Variants in RABGEF1 observed in about 807,000 individuals in gnomAD.
RABGEF1 encodes the protein rab5 GDP/GTP exchange factor.
Under a neutral mutation model 57.3 loss-of-function variants are expected in RABGEF1, and 26 were observed. The ratio of observed to expected loss-of-function variants is 0.45; its 90% CI spans 0.33 to 0.63. The LOEUF is 0.63. Ranked by LOEUF, RABGEF1 falls within the 20% of genes least tolerant of loss-of-function variation. RABGEF1 has a pLI of 0.02. For missense variants in RABGEF1, 464 were observed against 607.6 expected (o/e 0.76, Z 2.48); for synonymous variants, 185 against 210.7 (o/e 0.88, Z 1.06).
At chr7:66,692,321 C>T (rs1791644317) in intron 1 of RABGEF1, among the ~76,000 whole-genome samples, 2 of 152,168 alleles carry the variant, frequency 1.3e-5, no homozygotes, top group South Asian at 4.1e-4. Context: ...CTTTCCCTGC[C>T]TCCCTCTCTT....
intron 1 of RABGEF1, among the ~76,000 whole-genome samples, chr7:66,703,305 CCTAT>C (rs1312747878): frequency 1.3e-5 from 2 of 152,114 alleles, no homozygotes; most frequent in African/African-American, 2.4e-5. Flanking sequence ...TGAAGTTCAA[CCTAT>C]CTATTTTTTC....
At chr7:66,744,036 CTTTTCTT>C (rs1799612006) in intron 1 of RABGEF1, among the ~76,000 whole-genome samples, 1 of 148,088 alleles carries the variant, frequency 6.8e-6, no homozygotes, top group Non-Finnish European at 1.5e-5. Context: ...CTTTTCTTTT[CTTTTCTT>C]TTTTTTTTTT....
At chr7:66,761,284 C>T (rs1804277068) in intron 1 of RABGEF1, among the ~76,000 whole-genome samples, 1 of 152,198 alleles carries the variant, frequency 6.6e-6, no homozygotes, top group South Asian at 2.1e-4. Flanking sequence ...GAGTGCCCCT[C>T]CTAACCCCCA....
At chr7:66,659,715 G>T in the RABGEF1 span, among the ~76,000 whole-genome samples, 1 of 151,578 alleles carries the variant, frequency 6.6e-6, no homozygotes, top group South Asian at 2.1e-4. Context: ...GGAAGTTGAG[G>T]CTGCAGTGAG....
intron 1 of RABGEF1, 136 bp from the exon 2 acceptor site, chr7:66,771,747 C>T: frequency 6.0e-6 from 3 of 498,926 alleles, no homozygotes; most frequent in South Asian, 1.9e-4. Flanking sequence ...CTCTTTCTCC[C>T]TCCCTCCTTC....
chr7:66,780,341 T>A (rs566968604), intron 3 of RABGEF1, among the ~76,000 whole-genome samples: 2 of 152,362 alleles, frequency 1.3e-5, no homozygotes, highest in Admixed American at 1.3e-4. Flanking sequence ...TGCAACATTA[T>A]TCAAGTTACT....
In RABGEF1 at chr7:66,809,249, C is replaced by T; in HGVS notation, c.1441C>T (p.Pro481Ser). 1 of 1,611,476 alleles carries T rather than the reference C, an allele frequency of 6.2e-7. No homozygotes were observed. Among genetic ancestry groups the T allele is most frequent in the Non-Finnish European group, 8.5e-7 (1 of 1,178,104 alleles). Reference protein sequence around the residue: ...DSENVENDKLPPPLQPQVYAG With the variant: ...DSENVENDKLSPPLQPQVYAG ...TGAAAACGTTGAAAATGATAAACTT[C>T]CTCCACCACTGCAACCTCAAGTTTA... is the stretch of plus-strand genomic sequence containing the variant. The change falls in exon 9 of 9, where the codon CCT becomes TCT. Residue 481 changes from proline (P) to serine (S), a missense_variant. Pro to Ser is a moderately conservative substitution (Grantham distance 74). Around this residue, in one of 4 missense-constraint regions of RABGEF1, gnomAD observed 151 missense variants for 152.2 expected, o/e 0.99. Transcript: ENST00000284957.
At chr7:66,728,310 G>A (rs935813797) in intron 2 of RABGEF1, among the ~76,000 whole-genome samples, 1 of 152,122 alleles carries the variant, frequency 6.6e-6, no homozygotes, top group African/African-American at 2.4e-5. Context: ...CTATTGTCTT[G>A]TGGAGAGCCA....
intron 1 of RABGEF1, among the ~76,000 whole-genome samples, chr7:66,693,471 A>C (rs1791843079): frequency 6.6e-6 from 1 of 151,994 alleles, no homozygotes; most frequent in African/African-American, 2.4e-5. Context: ...CTGGGCTCCA[A>C]GACCCTGCTG....
At chr7:66,790,855 A>G (rs943362737) in intron 4 of RABGEF1, among the ~76,000 whole-genome samples, 1 of 152,240 alleles carries the variant, frequency 6.6e-6, no homozygotes, top group African/African-American at 2.4e-5. Flanking sequence ...AGGACACTAC[A>G]GGTCTTCTAG....
intron 8 of RABGEF1, among the ~76,000 whole-genome samples, chr7:66,808,217 C>G: frequency 6.6e-6 from 1 of 150,432 alleles, no homozygotes; most frequent in East Asian, 2.0e-4. Flanking sequence ...CAGAGTTGTT[C>G]CTTTTTTTTT....
chr7:66,662,939 T>C, the RABGEF1 span, among the ~76,000 whole-genome samples: 1 of 152,060 alleles, frequency 6.6e-6, no homozygotes, highest in Non-Finnish European at 1.5e-5. Flanking sequence ...CATGTGCAGG[T>C]GTGCGTGTGC....
At chr7:66,670,868 TTTTA>T in the RABGEF1 span, among the ~76,000 whole-genome samples, 9 of 150,272 alleles carry the variant, frequency 6.0e-5, no homozygotes, top group Non-Finnish European at 7.4e-5. Flanking sequence ...AAAATTTTAT[TTTTA>T]TTTATTTAAT....
the RABGEF1 span, among the ~76,000 whole-genome samples, chr7:66,663,736 T>C: frequency 6.6e-6 from 1 of 151,700 alleles, no homozygotes; most frequent in Non-Finnish European, 1.5e-5. Context: ...AAACTTAAAG[T>C]ATAATAATAA....
the RABGEF1 span, among the ~76,000 whole-genome samples, chr7:66,659,472 GAAA>G: frequency 2.1e-5 from 3 of 139,554 alleles, no homozygotes; most frequent in Admixed American, 7.2e-5. Flanking sequence ...AAAGAAAAAA[GAAA>G]AAAAAGAAAA....
intron 1 of RABGEF1, among the ~76,000 whole-genome samples, chr7:66,752,748 A>G (rs538665529): frequency 2.6e-5 from 4 of 152,210 alleles, no homozygotes; most frequent in South Asian, 4.1e-4. Flanking sequence ...GGGACCCAGT[A>G]CTCTGTGTTT....
chr7:66,737,631 C>CT (rs994045743), upstream of RABGEF1, among the ~76,000 whole-genome samples: 1 of 152,126 alleles, frequency 6.6e-6, no homozygotes, highest in Non-Finnish European at 1.5e-5. Flanking sequence ...CAAGGAAAGT[C>CT]TTTTTTAAAA....
intron 2 of RABGEF1, chr7:66,773,558 A>G (rs967984457): frequency 2.5e-6 from 1 of 402,268 alleles, no homozygotes; most frequent in Non-Finnish European, 5.0e-6. Context: ...GCTTGGGAGT[A>G]AGACTAGAGA....
chr7:66,657,400 A>T, the RABGEF1 span, among the ~76,000 whole-genome samples: 1 of 152,264 alleles, frequency 6.6e-6, no homozygotes, highest in Non-Finnish European at 1.5e-5. Flanking sequence ...CTGGTTGGAG[A>T]TGAAATCATA....
Sources: gnomAD v4.1 joint callset for allele counts (sites outside exome capture counted in the v4.1 genomes callset) on GRCh38, gnomAD v4.1.1 for gene constraint, gnomAD v4.1.1 regional missense constraint, MANE v1.5 for transcripts, NCBI Gene and HGNC (gene_info 2026-07-23, HGNC 2026-07-21) for gene names.